Variants in COL4A4 observed in about 807,000 individuals in gnomAD.
COL4A4 encodes collagen alpha-4(IV) chain.
In COL4A4, 105 loss-of-function variants were observed where a neutral mutation model predicts 192.9. That is an observed-to-expected ratio of 0.54 (90% CI 0.46 to 0.64). The LOEUF is 0.64. COL4A4 is among the 30% of genes least tolerant of loss of function. The pLI, the probability that COL4A4 is intolerant of heterozygous loss-of-function variation, is 0.00. For synonymous variants in COL4A4, 762 were observed against 769.9 expected (o/e 0.99, Z 0.17); for missense variants, 1,967 against 2,169.3 (o/e 0.91, Z 1.85).
Position 227,101,009 on chromosome 2 carries a change from T to C in COL4A4, c.1029+495A>G, listed in dbSNP as rs555993298. Among the ~76,000 whole-genome samples, 47 of 152,078 alleles carry C rather than the reference T, an allele frequency of 3.1e-4. No individual in the cohort carries two copies. In the East Asian group the frequency reaches 6.8e-3, roughly 22 times the overall value. ...ATTTTTAGTAGAGACGGGGTTTCAC[T>C]GTGTTAGCCAGGATGGTCTCGATCT... On this transcript the variant is annotated intron_variant, in intron 17 of 47. Transcript: ENST00000396625.
intron 35 of COL4A4, among the ~76,000 whole-genome samples, chr2:227,046,534 G>T (rs1280725517): frequency 1.3e-5 from 2 of 151,936 alleles, no homozygotes; most frequent in Admixed American, 6.6e-5. Flanking sequence ...TCTGATTACT[G>T]ACTCCAGATA....
At position 227,139,491 on chromosome 2, in the gene COL4A4, CA is replaced by C. The variant is rs1392706417; in HGVS notation, c.192+669del. Reference sequence around the variant, plus strand: ...ACAAATGTTCAAGAGACCTGACAGACAGTAACCAAAGAGGTTCTTGGCTTTG... The same window carrying C: ...ACAAATGTTCAAGAGACCTGACAGACGTAACCAAAGAGGTTCTTGGCTTTG... On this transcript the variant is annotated intron_variant, in intron 4 of 47. Transcript: ENST00000396625. Among the ~76,000 whole-genome samples the C allele has an allele frequency of 1.6e-4, 24 of 152,302 alleles. No homozygotes were observed. The East Asian group carries it at 4.4e-3, about 28-fold the overall frequency.
At chr2:227,009,896 G>A (rs372973454) in intron 46 of COL4A4, among the ~76,000 whole-genome samples, 1 of 152,122 alleles carries the variant, frequency 6.6e-6, no homozygotes, top group Non-Finnish European at 1.5e-5. Flanking sequence ...GGCAAGTGCC[G>A]TAACACAACC....
At position 227,031,349 on chromosome 2, in the gene COL4A4, G is replaced by A. The variant is rs533730662; in HGVS notation, c.3817+596C>T. Among the ~76,000 whole-genome samples, 6 of 152,232 alleles carry A rather than the reference G, an allele frequency of 3.9e-5. 1 individual carries two copies. In the East Asian group the frequency reaches 1.2e-3, roughly 29 times the overall value. ...AGAGCTTGTATGAATGCAATTGCCT[G>A]CATTTAGCAAGATATCACACGGAGC... On this transcript the variant is annotated intron_variant, in intron 40 of 47. Coordinates refer to ENST00000396625, the MANE Select transcript of COL4A4 (RefSeq NM_000092.5).
intron 37 of COL4A4, 68 bp from the exon 38 acceptor site, chr2:227,033,549 G>C: frequency 4.4e-6 from 6 of 1,378,050 alleles, no homozygotes; most frequent in Non-Finnish European, 6.1e-6. Context: ...AGCCACAAAC[G>C]CAGGCACTGC....
chr2:227,158,723 T>C (rs1010830579), intron 1 of COL4A4, among the ~76,000 whole-genome samples: 1 of 145,024 alleles, frequency 6.9e-6, no homozygotes, highest in African/African-American at 2.5e-5. Context: ...CATTAAAAGA[T>C]ATTCAACATC....
intron 3 of COL4A4, among the ~76,000 whole-genome samples, chr2:227,141,267 T>C (rs1049309933): frequency 6.6e-6 from 1 of 152,228 alleles, no homozygotes; most frequent in Non-Finnish European, 1.5e-5. Flanking sequence ...CATTTATACA[T>C]TGGCCATACA....
Position 227,146,517 on chromosome 2 carries a change from G to A in COL4A4, c.71+896C>T, listed in dbSNP as rs138380837. Among the ~76,000 whole-genome samples the A allele has an allele frequency of 1.3e-3, 192 of 152,106 alleles. 1 individual carries two copies. The highest frequency in any genetic ancestry group is 4.5e-3 in the African/African-American group (185 of 41,480). ...GAGTCTCGTTGAACAATCTCATATTGGTTTCCTGTTTTCCTATTGCTGCTG... is the reference window on the plus strand; with the variant it reads ...GAGTCTCGTTGAACAATCTCATATTAGTTTCCTGTTTTCCTATTGCTGCTG... On this transcript the variant is annotated intron_variant, in intron 2 of 47. Transcript: ENST00000396625.
At chr2:227,051,289 C>G in intron 32 of COL4A4, 131 bp from the exon 33 acceptor site, 1 of 916,520 alleles carries the variant, frequency 1.1e-6, no homozygotes, top group African/African-American at 1.6e-5. Flanking sequence ...TGTCCCAAGC[C>G]GCTTCCTGAT....
chr2:227,121,346 C>T (rs1026625074), intron 4 of COL4A4, among the ~76,000 whole-genome samples, 198 bp from the exon 5 acceptor site: 9 of 151,942 alleles, frequency 5.9e-5, no homozygotes, highest in African/African-American at 2.2e-4. Context: ...GAGGTTCACT[C>T]GAGCTCAGGA....
intron 3 of COL4A4, among the ~76,000 whole-genome samples, chr2:227,142,481 C>T (rs147820575): frequency 3.9e-5 from 6 of 152,226 alleles, no homozygotes; most frequent in East Asian, 3.9e-4. Flanking sequence ...AGGCTGGCTG[C>T]GGTGGCTCAT....
At chr2:227,017,681 G>A (rs1965194253) in intron 44 of COL4A4, among the ~76,000 whole-genome samples, 1 of 152,228 alleles carries the variant, frequency 6.6e-6, no homozygotes, top group African/African-American at 2.4e-5. Context: ...TCGTGTGGCT[G>A]TCATCCACCC....
At chr2:227,135,834 G>A (rs776183218) in intron 4 of COL4A4, among the ~76,000 whole-genome samples, 7 of 151,864 alleles carry the variant, frequency 4.6e-5, no homozygotes, top group Non-Finnish European at 8.8e-5. Flanking sequence ...AGTAGAGGTG[G>A]GGTTTCACCA....
the COL4A4 span, chr2:226,995,511 G>C: frequency 6.2e-7 from 1 of 1,609,320 alleles, no homozygotes; most frequent in Non-Finnish European, 8.5e-7. Flanking sequence ...TCACAGATTC[G>C]ATAGCCAGTG....
Position 227,007,072 on chromosome 2 carries a change from C to A in COL4A4, c.*253G>T. ...GAATTAGCATATTTTTAAGTAAAGC[C>A]AGTTCTTCGATCATCCTCAGTAAAA... On this transcript the variant is annotated 3_prime_UTR_variant, in exon 48 of 48. Coordinates refer to ENST00000396625, the MANE Select transcript of COL4A4 (RefSeq NM_000092.5). The A allele has an allele frequency of 1.7e-6, 1 of 575,824 alleles. No homozygotes were observed. Among genetic ancestry groups the A allele is most frequent in the African/African-American group, 1.8e-5 (1 of 54,096 alleles). 35.7% of individuals were successfully genotyped at this position (575,824 alleles called of 1,614,324 possible).
intron 20 of COL4A4, among the ~76,000 whole-genome samples, chr2:227,090,501 C>T (rs2059857160): frequency 6.6e-6 from 1 of 152,140 alleles, no homozygotes; most frequent in Admixed American, 6.6e-5. Context: ...GTAATCCCAG[C>T]ACTTTGGGAG....
At chr2:227,132,838 G>C (rs2062568904) in intron 4 of COL4A4, among the ~76,000 whole-genome samples, 1 of 152,162 alleles carries the variant, frequency 6.6e-6, no homozygotes, top group African/African-American at 2.4e-5. Flanking sequence ...GGAGACAGCT[G>C]TTTGTGGATT....
At chr2:227,094,751 T>G (rs2060121302) in intron 19 of COL4A4, among the ~76,000 whole-genome samples, 1 of 152,246 alleles carries the variant, frequency 6.6e-6, no homozygotes, top group Non-Finnish European at 1.5e-5. Flanking sequence ...ACAAATAGGT[T>G]AATTAGCTGG....
At chr2:227,080,353 T>A (rs1219032255) in intron 24 of COL4A4, 90 bp downstream of exon 24, 24 of 1,199,028 alleles carry the variant, frequency 2.0e-5, no homozygotes, top group Non-Finnish European at 3.0e-5. Context: ...TTACTGAATT[T>A]CAGCTTGGCA....
Sources: allele counts gnomAD v4.1 joint callset (sites outside exome capture counted in the v4.1 genomes callset), GRCh38; gene constraint gnomAD v4.1.1; transcripts MANE v1.5; gene names NCBI Gene and HGNC (gene_info 2026-07-23, HGNC 2026-07-21).